Variants in CD22 observed in about 807,000 individuals in gnomAD.
CD22 encodes the protein CD22 molecule.
CD22 carries 51 observed loss-of-function variants against 94.7 expected under a neutral mutation model. The observed-to-expected ratio is 0.54, with a 90% CI of 0.43 to 0.68. The LOEUF is 0.68. Ranked by LOEUF, CD22 falls within the 30% of genes least tolerant of loss-of-function variation. The pLI, the probability that CD22 is intolerant of heterozygous loss-of-function variation, is 0.00. For synonymous variants in CD22, 424 were observed against 422.5 expected (o/e 1.00, Z -0.04); for missense variants, 931 against 1,060.4 (o/e 0.88, Z 1.69).
chr19:35,332,207 A>C, intron 2 of CD22, 133 bp downstream of exon 2: 1 of 897,034 alleles, frequency 1.1e-6, no homozygotes, highest in Non-Finnish European at 1.8e-6. Flanking sequence ...ATAAATGTAC[A>C]TACAAATATA....
At position 35,341,289 on chromosome 19, in the gene CD22, G is replaced by C. The variant is rs568538324; in HGVS notation, c.1508-54G>C. On this transcript the variant is annotated intron_variant, in intron 7 of 13. Transcript: ENST00000085219. The surrounding 1 kb of genome is among the most constrained non-coding windows in gnomAD (Gnocchi z 4.0). Reference sequence around the variant, plus strand: ...GGGCCAAGGGGAGGGGAGGCCTGGGGACAGCAAAAGGGACAGGGAGCGGAG... The same window carrying C: ...GGGCCAAGGGGAGGGGAGGCCTGGGCACAGCAAAAGGGACAGGGAGCGGAG... 3 of 1,600,758 alleles carry C rather than the reference G, an allele frequency of 1.9e-6. No homozygotes were observed. Among genetic ancestry groups the C allele is most frequent in the African/African-American group, 2.7e-5 (2 of 74,442 alleles).
At chr19:35,344,758 G>A in intron 9 of CD22, 71 bp from the exon 10 acceptor site, 1 of 1,129,500 alleles carries the variant, frequency 8.9e-7, no homozygotes. Context: ...AGTCCAGGAT[G>A]CCTTCCAGGC....
chr19:35,338,526 G>T, intron 6 of CD22, 95 bp downstream of exon 6: 1 of 1,358,306 alleles, frequency 7.4e-7, no homozygotes, highest in South Asian at 1.4e-5. Flanking sequence ...GGGTCCTGGA[G>T]TCAAGAGCAA....
chr19:35,329,910 A>C (rs2066621832), intron 1 of CD22: 1 of 153,324 alleles, frequency 6.5e-6, no homozygotes. Context: ...TGGAACATGT[A>C]AAATAGATCC....
In CD22 at chr19:35,345,728, G is replaced by A. The variant is rs1235394257; in HGVS notation, c.2327+8G>A. The A allele has an allele frequency of 1.3e-6, 2 of 1,570,676 alleles. No individual in the cohort carries two copies. Among genetic ancestry groups the A allele is most frequent in the Admixed American group, 1.7e-5 (1 of 59,946 alleles). On this transcript the variant is annotated splice_region_variant and intron_variant, in intron 12 of 13. Transcript: ENST00000085219. ...GAACATACCACGAACTGGGTACTGA[G>A]GGTACCAGGAGGGTGACCCTGCACC...
At chr19:35,342,700 G>A (rs1285643296) in intron 9 of CD22, among the ~76,000 whole-genome samples, 1 of 152,096 alleles carries the variant, frequency 6.6e-6, no homozygotes, top group Non-Finnish European at 1.5e-5. Flanking sequence ...TCCCCTCTCA[G>A]GCTGCTCCAC....
Position 35,345,611 on chromosome 19 carries a change from G to GC in CD22, c.2224dup (p.Leu742ProfsTer3). ...CTCGTCTCCCTCCCAGGTTAGAAGG[G>GC]CCCCCCTCTCTGAAGGCCCCCACTC... On this transcript the variant is annotated frameshift_variant, in exon 12 of 14. Coordinates refer to ENST00000085219, the MANE Select transcript of CD22 (RefSeq NM_001771.4). LOFTEE classifies it high-confidence loss of function. The GC allele has an allele frequency of 6.2e-7, 1 of 1,605,396 alleles. No homozygotes were observed. Among genetic ancestry groups the GC allele is most frequent in the Non-Finnish European group, 8.5e-7 (1 of 1,172,334 alleles).
intron 3 of CD22, chr19:35,333,185 C>G (rs1568484361): frequency 2.0e-6 from 1 of 491,154 alleles, no homozygotes; most frequent in Admixed American, 3.5e-5. Context: ...CTTTCTTTCT[C>G]ACCATGTATT....
At position 35,341,139 on chromosome 19, in the gene CD22, G is replaced by A; in HGVS notation, c.1507+1G>A. The stretch of plus-strand genomic sequence containing the variant: ...TCCCCTGTCGCCCTGAATGTCCAGT[G>A]TGAGTCCCTGGGCTAGGCAGGGGGA... On this transcript the variant is annotated splice_donor_variant, in intron 7 of 13. Coordinates refer to ENST00000085219, the MANE Select transcript of CD22 (RefSeq NM_001771.4). LOFTEE classifies it high-confidence loss of function. The surrounding 1 kb of genome is among the most constrained non-coding windows in gnomAD (Gnocchi z 4.0). 6.2e-7 allele frequency: 1 copy of A among 1,614,066 alleles called. No individual in the cohort carries two copies. The highest frequency in any genetic ancestry group is 8.5e-7 in the Non-Finnish European group (1 of 1,179,936).
intron 13 of CD22, 89 bp from the exon 14 acceptor site, chr19:35,346,477 C>G (rs1446612340): frequency 2.0e-6 from 3 of 1,518,854 alleles, no homozygotes; most frequent in East Asian, 4.9e-5. Flanking sequence ...TTTGGACCCC[C>G]GGGTGGAATG....
rs2066783940 is a variant in CD22 at position 35,340,025 on chromosome 19, GT to G, written c.1250-854del. On this transcript the variant is annotated intron_variant, in intron 6 of 13. Coordinates refer to ENST00000085219, the MANE Select transcript of CD22 (RefSeq NM_001771.4). ...AGACCCTTTTAACACAGTGAATCTT[GT>G]TACCATGTAGAGCACAGGACAAAAA... 2.6e-5 allele frequency among the ~76,000 whole-genome samples: 4 copies of G among 152,236 alleles called. No individual in the cohort carries two copies. The South Asian group carries it at 8.3e-4, about 32-fold the overall frequency.
At chr19:35,340,634 G>A (rs2239511) in intron 6 of CD22, among the ~76,000 whole-genome samples, 39,353 of 152,056 alleles carry the variant, frequency 0.26, 6,451 homozygotes, top group African/African-American at 0.46. Context: ...ATGCCCGTGC[G>A]CCTCTCAGCA....
rs374972520 is a variant in CD22 at position 35,341,419 on chromosome 19, A to G, written c.1584A>G (p.Gln528=). The G allele has an allele frequency of 1.5e-5, 24 of 1,613,884 alleles. No homozygotes were observed. The highest frequency in any genetic ancestry group is 6.7e-5 in the East Asian group (3 of 44,854). Residue 528 remains glutamine, a synonymous_variant, in exon 8 of 14, where the codon CAA becomes CAG. Coordinates refer to ENST00000085219, the MANE Select transcript of CD22 (RefSeq NM_001771.4). The surrounding 1 kb of genome is among the most constrained non-coding windows in gnomAD (Gnocchi z 4.0). ...ACTCTGGAAACTCGGTCAGCCTCCA[A>G]TGTGACTTCTCAAGCAGCCACCCCA... is the stretch of plus-strand genomic sequence containing the variant. The part of the protein sequence containing the change: ...EIHSGNSVSL[Q]CDFSSSHPKE...
At chr19:35,335,294 G>A (rs976064288) in intron 3 of CD22, among the ~76,000 whole-genome samples, 3 of 152,102 alleles carry the variant, frequency 2.0e-5, no homozygotes, top group South Asian at 2.1e-4. Flanking sequence ...AGTGGTTCCC[G>A]CCTGTAACCC....
At chr19:35,335,077 C>CAAAAAAA (rs35391333) in intron 3 of CD22, among the ~76,000 whole-genome samples, 2 of 73,692 alleles carry the variant, frequency 2.7e-5, no homozygotes, top group South Asian at 4.7e-4. Flanking sequence ...GACTCTGTCT[C>CAAAAAAA]AAAAAAAAAA....
chr19:35,338,400 G>C lies in CD22; in HGVS notation c.1218G>C (p.Gln406His). The C allele has an allele frequency of 6.2e-7, 1 of 1,614,018 alleles. No homozygotes were observed. Among genetic ancestry groups the C allele is most frequent in the Non-Finnish European group, 8.5e-7 (1 of 1,179,904 alleles). ...CAGAAAACATTCTTGGTACTGGACA[G>C]AGGGGCCCGGGAGCTGAGCTGGATG... Reference protein sequence around the residue: ...CVAENILGTGQRGPGAELDVQ... With the variant: ...CVAENILGTGHRGPGAELDVQ... Residue 406 changes from glutamine to histidine, a missense_variant, in exon 6 of 14, where the codon CAG becomes CAC. Transcript: ENST00000085219.
chr19:35,338,129 T>G lies in CD22; in HGVS notation c.986-39T>G. The G allele has an allele frequency of 1.9e-6, 3 of 1,583,262 alleles. No individual in the cohort carries two copies. In the South Asian group the frequency reaches 3.5e-5, roughly 19 times the overall value. On this transcript the variant is annotated intron_variant, in intron 5 of 13. Coordinates refer to ENST00000085219, the MANE Select transcript of CD22 (RefSeq NM_001771.4). ...GGCCGTGTGCACAGGTTGGGGGTGCTCTCCTCACCCCTCCACTCGCCTCTG... is the reference window on the plus strand; with the variant it reads ...GGCCGTGTGCACAGGTTGGGGGTGCGCTCCTCACCCCTCCACTCGCCTCTG...
In CD22 at chr19:35,338,449, C is replaced by G. The variant is rs2066757646; in HGVS notation, c.1249+18C>G. On this transcript the variant is annotated intron_variant, in intron 6 of 13. Transcript: ENST00000085219. ...TGTCCAGTGTGAGTAGCCACGGAGC[C>G]TCTGGTTCTAGGGAGAGAAGATGGA... 1 of 1,605,286 alleles carries G rather than the reference C, an allele frequency of 6.2e-7. No individual in the cohort carries two copies. The highest frequency in any genetic ancestry group is 1.1e-5 in the South Asian group (1 of 89,738).
In CD22 at chr19:35,337,234, T is replaced by C. The variant is rs1035240936; in HGVS notation, c.719-521T>C. On this transcript the variant is annotated intron_variant, in intron 4 of 13. Transcript: ENST00000085219. This position sits in a 1 kb window ranked among gnomAD's most constrained non-coding sequence, Gnocchi z 4.4. ...AACCTGGGTGACGAGTGAGACTCCA[T>C]CTCAAAAAAAGAAAAAAAAAGAAGG... Among the ~76,000 whole-genome samples, 2 of 150,594 alleles carry C rather than the reference T, an allele frequency of 1.3e-5. No individual in the cohort carries two copies. Among genetic ancestry groups the C allele is most frequent in the African/African-American group, 2.4e-5 (1 of 40,856 alleles).
Sources: allele counts gnomAD v4.1 joint callset (sites outside exome capture counted in the v4.1 genomes callset), GRCh38; gene constraint gnomAD v4.1.1; non-coding constraint Gnocchi (gnomAD v3.1); transcripts MANE v1.5; gene names NCBI Gene and HGNC (gene_info 2026-07-23, HGNC 2026-07-21).